The following CLCN5 variants were observed in gnomAD, a reference collection of about 807,000 sequenced individuals.
CLCN5 encodes H(+)/Cl(-) exchange transporter 5.
Under a neutral mutation model 54.0 loss-of-function variants are expected in CLCN5, and 17 were observed. The ratio of observed to expected loss-of-function variants is 0.31; its 90% CI spans 0.22 to 0.47. The LOEUF (loss-of-function observed/expected upper bound fraction) is 0.47, where lower values mean the gene tolerates loss of function less well. Ranked by LOEUF, CLCN5 falls within the 20% of genes least tolerant of loss-of-function variation. The pLI is 1.00. For synonymous variants in CLCN5, 222 were observed against 233.0 expected, an observed-to-expected ratio of 0.95 and a Z score of 0.43; for missense variants, 448 against 646.7, an observed-to-expected ratio of 0.69 and a Z score of 3.33.
intron 3 of CLCN5, among the ~76,000 whole-genome samples, chrX:50,041,953 T>A (rs145601067): frequency 2.7e-5 from 3 of 112,450 alleles, no homozygotes; most frequent in African/African-American, 9.7e-5. Flanking sequence ...GAAGTGCTGA[T>A]ACATGCTGTA....
chrX:50,099,227 T>C lies in CLCN5; in HGVS notation c.*7008T>C, dbSNP rs781899956. 1 of 112,131 alleles carries C rather than the reference T, an allele frequency of 8.9e-6. No individual in the cohort carries two copies. Among genetic ancestry groups the C allele is most frequent in the South Asian group, 3.8e-4 (1 of 2,637 alleles). The allele number at this position is 112,131 out of a possible 1,213,427, so 9.2% of individuals were successfully genotyped here. A position where few individuals can be genotyped will look rare whatever the true frequency, so the allele number is the denominator to read the frequency against. ...ATGCATGTAATAAAGCACAGCCTTA[T>C]CCACCCTGGTGTCTGGTGTGTTTCT... On this transcript the variant is annotated 3_prime_UTR_variant, in exon 15 of 15. Transcript: ENST00000376091.
At chrX:49,953,428 C>G (rs1303168972) in intron 3 of CLCN5, among the ~76,000 whole-genome samples, 3 of 111,506 alleles carry the variant, frequency 2.7e-5, no homozygotes, top group Non-Finnish European at 5.6e-5. Flanking sequence ...ACCTCAGACT[C>G]CCAAATAGCT....
At chrX:50,018,364 G>C (rs1930893029) in intron 3 of CLCN5, among the ~76,000 whole-genome samples, 1 of 111,862 alleles carries the variant, frequency 8.9e-6, no homozygotes. Flanking sequence ...AGGAGTTGTT[G>C]ACTCTTTGGA....
intron 3 of CLCN5, among the ~76,000 whole-genome samples, chrX:49,991,475 A>C (rs1602020099): frequency 1.8e-5 from 2 of 111,814 alleles, no homozygotes; most frequent in Non-Finnish European, 3.8e-5. Context: ...ATAGTTAGTG[A>C]AAATTTTCTC....
intron 3 of CLCN5, among the ~76,000 whole-genome samples, chrX:49,994,332 G>A (rs1259075681): frequency 6.3e-5 from 7 of 110,901 alleles, no homozygotes; most frequent in Non-Finnish European, 1.3e-4. Context: ...ACAGATGTAT[G>A]GTGGGGCAAG....
At chrX:50,067,064 C>G (rs3761545) in intron 4 of CLCN5, among the ~76,000 whole-genome samples, 11 of 111,582 alleles carry the variant, frequency 9.9e-5, no homozygotes, top group Non-Finnish European at 1.7e-4. Context: ...GCCCTCTACT[C>G]TGGGTAGCTT....
intron 3 of CLCN5, among the ~76,000 whole-genome samples, chrX:49,947,841 G>C (rs890761646): frequency 9.0e-6 from 1 of 111,154 alleles, no homozygotes; most frequent in Non-Finnish European, 1.9e-5. Context: ...CTCAGAGATT[G>C]AGGGACGTGA....
intron 3 of CLCN5, among the ~76,000 whole-genome samples, chrX:49,989,345 T>C (rs782111387): frequency 8.9e-6 from 1 of 111,815 alleles, no homozygotes; most frequent in African/African-American, 3.3e-5. Flanking sequence ...ACCCACTCAA[T>C]GCCTTTGCAA....
At chrX:50,065,527 G>A (rs1557190652) in intron 4 of CLCN5, among the ~76,000 whole-genome samples, 1 of 91,547 alleles carries the variant, frequency 1.1e-5, no homozygotes, top group Non-Finnish European at 2.1e-5. Context: ...TGCTGGAGAG[G>A]ATGTGGAGAA....
intron 6 of CLCN5, among the ~76,000 whole-genome samples, chrX:50,072,892 GT>G (rs781876648): frequency 8.4e-5 from 9 of 107,189 alleles, no homozygotes; most frequent in African/African-American, 1.4e-4. Context: ...GTTGGAGACA[GT>G]TTTTTTTTTA....
chrX:50,026,603 T>A (rs1179608909), intron 3 of CLCN5, among the ~76,000 whole-genome samples: 1 of 111,840 alleles, frequency 8.9e-6, no homozygotes, highest in Non-Finnish European at 1.9e-5. Context: ...ATTGACCCCT[T>A]TATCATTATG....
intron 9 of CLCN5, 83 bp downstream of exon 9, chrX:50,081,930 TACCAATGTTAATGCA>T (rs1214750584): frequency 4.7e-5 from 41 of 880,819 alleles, no homozygotes; most frequent in Non-Finnish European, 6.3e-5. Context: ...TTGAGAGTTC[TACCAATGTTAATGCA>T]AACACCCTTT....
chrX:49,940,874 A>C (rs1926290021), intron 3 of CLCN5, among the ~76,000 whole-genome samples: 1 of 111,502 alleles, frequency 9.0e-6, no homozygotes, highest in Non-Finnish European at 1.9e-5. Context: ...AGAAATACAG[A>C]ATAACTAAAA....
chrX:49,958,762 A>T (rs782196976), intron 3 of CLCN5, among the ~76,000 whole-genome samples: 2 of 111,649 alleles, frequency 1.8e-5, no homozygotes, highest in South Asian at 7.6e-4. Context: ...CACTATCTCT[A>T]CATCAGTTGG....
chrX:50,004,107 A>G (rs1006387634), intron 3 of CLCN5, among the ~76,000 whole-genome samples: 1 of 111,984 alleles, frequency 8.9e-6, no homozygotes, highest in Admixed American at 9.4e-5. Context: ...TCATGTAGAT[A>G]TGAGTCAGAT....
chrX:49,939,094 C>T (rs1274496345), intron 3 of CLCN5, among the ~76,000 whole-genome samples: 21 of 111,588 alleles, frequency 1.9e-4, no homozygotes, highest in Admixed American at 4.8e-4. Flanking sequence ...TGAGATACCA[C>T]CTCACACCAG....
intron 3 of CLCN5, among the ~76,000 whole-genome samples, chrX:49,996,084 A>T (rs1456154906): frequency 8.9e-6 from 1 of 112,233 alleles, no homozygotes; most frequent in South Asian, 3.7e-4. Flanking sequence ...GCATTTTCTG[A>T]CATAATCATG....
At chrX:50,033,668 C>G (rs151247969) in intron 3 of CLCN5, among the ~76,000 whole-genome samples, 6,386 of 111,435 alleles carry the variant, frequency 0.057, 492 homozygotes, top group African/African-American at 0.2. Context: ...GAAAAAACTA[C>G]TTTAAAGTTC....
At chrX:50,050,982 CTT>C (rs782487971) in intron 4 of CLCN5, among the ~76,000 whole-genome samples, 17 of 111,339 alleles carry the variant, frequency 1.5e-4, no homozygotes, top group Non-Finnish European at 2.8e-4. Context: ...TTTTTATACT[CTT>C]TACAGTAGTT....
Sources: allele counts gnomAD v4.1 joint callset (sites outside exome capture counted in the v4.1 genomes callset), GRCh38; gene constraint gnomAD v4.1.1; transcripts MANE v1.5; gene names NCBI Gene and HGNC (gene_info 2026-07-23, HGNC 2026-07-21).